Variants in ATP10B observed in about 807,000 individuals in gnomAD.
ATP10B encodes phospholipid-transporting ATPase VB.
Under a neutral mutation model 141.2 loss-of-function variants are expected in ATP10B, and 122 were observed. The observed-to-expected ratio is 0.86, with a 90% CI of 0.75 to 1.00. The LOEUF (loss-of-function observed/expected upper bound fraction) is 1.00, where lower values mean the gene tolerates loss of function less well. ATP10B is among the 50% of genes least tolerant of loss of function. The pLI, the probability that ATP10B is intolerant of heterozygous loss-of-function variation, is 0.00. For synonymous variants in ATP10B, 685 were observed against 692.0 expected (o/e 0.99, Z 0.16); for missense variants, 1,876 against 1,825.3 (o/e 1.03, Z -0.51).
Position 160,731,793 on chromosome 5 carries a change from G to C in ATP10B, c.-330-14759C>G, listed in dbSNP as rs766952544. Among the ~76,000 whole-genome samples the C allele has an allele frequency of 3.3e-5, 5 of 152,204 alleles. No homozygotes were observed. In the East Asian group the frequency reaches 9.6e-4, roughly 29 times the overall value. On this transcript the variant is annotated intron_variant, in intron 2 of 25. Coordinates refer to ENST00000327245, the MANE Select transcript of ATP10B (RefSeq NM_025153.3). The stretch of plus-strand genomic sequence containing the variant: ...CTTGACCCTGAATTGTCTATGCATG[G>C]ACGAGGCTCAAAGATGAACTAAAAA...
intron 11 of ATP10B, among the ~76,000 whole-genome samples, chr5:160,635,806 G>A (rs1304849203): frequency 1.3e-5 from 2 of 152,108 alleles, no homozygotes; most frequent in East Asian, 3.9e-4. Context: ...CTCTCTCAAT[G>A]TTGGGGCAGA....
chr5:160,583,641 C>G (rs1270219789), intron 24 of ATP10B, among the ~76,000 whole-genome samples: 1 of 152,204 alleles, frequency 6.6e-6, no homozygotes, highest in Non-Finnish European at 1.5e-5. Context: ...CACCCCTACC[C>G]CGAGGTGCTC....
intron 1 of ATP10B, among the ~76,000 whole-genome samples, chr5:160,835,671 T>C (rs368794228): frequency 2.0e-5 from 3 of 152,240 alleles, no homozygotes; most frequent in East Asian, 1.9e-4. Flanking sequence ...TTTCAAAATC[T>C]CTGTCAAGCA....
intron 24 of ATP10B, among the ~76,000 whole-genome samples, chr5:160,574,679 G>T (rs1755079651): frequency 6.6e-6 from 1 of 152,146 alleles, no homozygotes; most frequent in Non-Finnish European, 1.5e-5. Context: ...CTTCATGAAT[G>T]AATTAGATGC....
chr5:160,773,925 A>G (rs1770092036), intron 2 of ATP10B, among the ~76,000 whole-genome samples: 2 of 152,140 alleles, frequency 1.3e-5, no homozygotes, highest in African/African-American at 4.8e-5. Flanking sequence ...AAAAACTAAT[A>G]TGGTGGCTCT....
At chr5:160,681,390 A>T (rs1199941414) in intron 6 of ATP10B, among the ~76,000 whole-genome samples, 2 of 152,258 alleles carry the variant, frequency 1.3e-5, no homozygotes, top group African/African-American at 4.8e-5. Context: ...ATTAATAGTT[A>T]GTCTGAGATC....
At chr5:160,739,558 T>C (rs907208966) in intron 2 of ATP10B, among the ~76,000 whole-genome samples, 6 of 152,208 alleles carry the variant, frequency 3.9e-5, no homozygotes, top group Non-Finnish European at 7.4e-5. Flanking sequence ...TAAAACTCCA[T>C]AAAATTACTA....
the ATP10B span, among the ~76,000 whole-genome samples, chr5:160,904,933 T>G: frequency 6.6e-6 from 1 of 152,234 alleles, no homozygotes; most frequent in African/African-American, 2.4e-5. Context: ...AAACTCTAGC[T>G]ATTTTGCAAA....
At chr5:160,589,903 A>G (rs1286226324) in intron 23 of ATP10B, among the ~76,000 whole-genome samples, 1 of 152,188 alleles carries the variant, frequency 6.6e-6, no homozygotes, top group Non-Finnish European at 1.5e-5. Flanking sequence ...TGCAGGAGTA[A>G]GCCAAGATGG....
chr5:160,588,799 A>G (rs1267116983), intron 24 of ATP10B, among the ~76,000 whole-genome samples: 1 of 152,204 alleles, frequency 6.6e-6, no homozygotes, highest in Non-Finnish European at 1.5e-5. Context: ...ATTAGTTTTT[A>G]TAGTTATTAC....
chr5:160,874,551 TGAGAG>T, the ATP10B span, among the ~76,000 whole-genome samples: 1 of 152,092 alleles, frequency 6.6e-6, no homozygotes, highest in African/African-American at 2.4e-5. Context: ...TTTGACGAGC[TGAGAG>T]AAGAAGGCTT....
chr5:160,754,613 C>G (rs1489412569), intron 2 of ATP10B, among the ~76,000 whole-genome samples: 1 of 152,168 alleles, frequency 6.6e-6, no homozygotes, highest in Non-Finnish European at 1.5e-5. Flanking sequence ...ATGAAGATTA[C>G]CCAAGACAAG....
At chr5:160,579,524 A>T (rs984840899) in intron 24 of ATP10B, among the ~76,000 whole-genome samples, 3 of 152,094 alleles carry the variant, frequency 2.0e-5, no homozygotes, top group African/African-American at 7.2e-5. Flanking sequence ...CTGTTGGTTT[A>T]TATATCTGTT....
chr5:160,678,609 A>G (rs980838205), intron 6 of ATP10B, among the ~76,000 whole-genome samples: 7 of 152,240 alleles, frequency 4.6e-5, no homozygotes, highest in African/African-American at 1.4e-4. Flanking sequence ...GTGAGTCAAG[A>G]CTGCGCCACT....
At chr5:160,923,330 A>C in the ATP10B span, among the ~76,000 whole-genome samples, 1 of 152,232 alleles carries the variant, frequency 6.6e-6, no homozygotes, top group Non-Finnish European at 1.5e-5. Context: ...GGATTCTGAC[A>C]TCTAAATAAC....
chr5:160,798,797 C>A (rs1772149868), intron 1 of ATP10B, among the ~76,000 whole-genome samples: 1 of 137,410 alleles, frequency 7.3e-6, no homozygotes, highest in African/African-American at 2.7e-5. Context: ...GTCACCCAGG[C>A]TGGAGTCCAA....
intron 24 of ATP10B, among the ~76,000 whole-genome samples, chr5:160,580,588 T>A (rs907096896): frequency 7.2e-5 from 11 of 152,252 alleles, no homozygotes; most frequent in African/African-American, 2.7e-4. Context: ...GATTTTTGCA[T>A]CAATGTTTAA....
chr5:160,565,190 C>A lies in ATP10B; in HGVS notation c.*263G>T. The stretch of plus-strand genomic sequence containing the variant: ...GCTTTGGTCTAAACCGATTTGAGAA[C>A]TCGATTCAACAAAAACAGCCTCCTT... On this transcript the variant is annotated 3_prime_UTR_variant, in exon 26 of 26. Coordinates refer to ENST00000327245, the MANE Select transcript of ATP10B (RefSeq NM_025153.3). The A allele has an allele frequency of 2.0e-6, 1 of 492,468 alleles. No homozygotes were observed. Among genetic ancestry groups the A allele is most frequent in the Admixed American group, 3.4e-5 (1 of 29,062 alleles). The allele number at this position is 492,468 out of a possible 1,614,324, so 30.5% of individuals were successfully genotyped here.
In ATP10B at chr5:160,606,853, G is replaced by T. The variant is rs367695623; in HGVS notation, c.3072C>A (p.Ser1024=). 3.1e-6 allele frequency: 5 copies of T among 1,613,956 alleles called. No individual in the cohort carries two copies. The highest frequency in any genetic ancestry group is 1.1e-5 in the South Asian group (1 of 91,070). The stretch of plus-strand genomic sequence containing the variant: ...GTGGCGTGGAGCGGCAGCACAGGAC[G>T]GACCGACAATACTGGGTCAATTCCA... The part of the protein sequence containing the change: ...KFLELTQYCR[S]VLCCRSTPLQ... The change falls in exon 19 of 26, where the codon TCC becomes TCA. Residue 1024 remains serine (S), a synonymous_variant. Coordinates refer to ENST00000327245, the MANE Select transcript of ATP10B (RefSeq NM_025153.3).
Sources: allele counts gnomAD v4.1 joint callset (sites outside exome capture counted in the v4.1 genomes callset), GRCh38; gene constraint gnomAD v4.1.1; transcripts MANE v1.5; gene names NCBI Gene and HGNC (gene_info 2026-07-23, HGNC 2026-07-21).